LRRK1: variants seen among roughly 807,000 people sequenced by gnomAD.
LRRK1 encodes the protein leucine rich repeat kinase 1, also known as leucine-rich repeat serine/threonine-protein kinase 1.
Under a neutral mutation model 209.1 loss-of-function variants are expected in LRRK1, and 113 were observed. The observed-to-expected ratio is 0.54, with a 90% CI of 0.46 to 0.63. The LOEUF is 0.63. Among genes scored for constraint, LRRK1 ranks in the 30% least tolerant of loss-of-function variants. The pLI is 0.00. For synonymous variants in LRRK1, 1,144 were observed against 1,099.7 expected, an observed-to-expected ratio of 1.04 and a Z score of -0.80; for missense variants, 2,284 against 2,632.2, an observed-to-expected ratio of 0.87 and a Z score of 2.89.
chr15:100,942,515 A>G (rs1165298916), intron 2 of LRRK1, among the ~76,000 whole-genome samples: 1 of 152,224 alleles, frequency 6.6e-6, no homozygotes, highest in Non-Finnish European at 1.5e-5. Context: ...GCTCACAGTT[A>G]TGGAAGACAT....
intron 2 of LRRK1, among the ~76,000 whole-genome samples, chr15:100,945,016 C>T (rs1484652809): frequency 6.6e-6 from 1 of 152,196 alleles, no homozygotes; most frequent in Non-Finnish European, 1.5e-5. Context: ...TGTCATTGGC[C>T]TCCTTTTAGT....
Position 101,046,041 on chromosome 15 carries a change from C to T in LRRK1, c.3024C>T (p.His1008=). 2.5e-6 allele frequency: 4 copies of T among 1,614,200 alleles called. No individual in the cohort carries two copies. Among genetic ancestry groups the T allele is most frequent in the Non-Finnish European group, 3.4e-6 (4 of 1,180,016 alleles). The change falls in exon 21 of 34, where the codon CAC becomes CAT. Residue 1008 remains histidine, a synonymous_variant. Coordinates refer to ENST00000388948, the MANE Select transcript of LRRK1 (RefSeq NM_024652.6). ...KPGLDTHGMR[H]PTANTIQRVF... is the part of the protein sequence containing the mutation. ...GCCTGGACACCCACGGTATGCGGCA[C>T]CCCACAGCCAACACCATTCAGAGGG...
intron 2 of LRRK1, among the ~76,000 whole-genome samples, chr15:100,928,290 A>G (rs2042148626): frequency 1.3e-5 from 2 of 152,192 alleles, no homozygotes; most frequent in Non-Finnish European, 2.9e-5. Context: ...AATGCGGAAT[A>G]CTTGACTTAC....
chr15:100,996,480 C>A (rs2032418702), intron 6 of LRRK1, among the ~76,000 whole-genome samples: 1 of 152,240 alleles, frequency 6.6e-6, no homozygotes, highest in South Asian at 2.1e-4. Context: ...CTGGACTGTT[C>A]CCAGCATCCT....
chr15:101,023,141 A>G (rs2033874205), intron 15 of LRRK1, among the ~76,000 whole-genome samples: 1 of 152,120 alleles, frequency 6.6e-6, no homozygotes, highest in Non-Finnish European at 1.5e-5. Context: ...TGAGGAGGCT[A>G]AAAGCACTCT....
rs2033814795 is a variant in LRRK1 at position 101,021,921 on chromosome 15, A to G, written c.1816A>G (p.Thr606Ala). 3 of 1,613,962 alleles carry G rather than the reference A, an allele frequency of 1.9e-6. No homozygotes were observed. The highest frequency in any genetic ancestry group is 2.5e-6 in the Non-Finnish European group (3 of 1,179,952). The change falls in exon 14 of 34, where the codon ACC becomes GCC. Residue 606 changes from threonine to alanine, a missense_variant. By Grantham distance (58) the Thr-to-Ala change is moderately conservative. Coordinates refer to ENST00000388948, the MANE Select transcript of LRRK1 (RefSeq NM_024652.6). ...CTGGCAGCTGGACACTGAAGACCTGACCATCAGCAATGTGCCTGCAGAAAT... is the reference window on the plus strand; with the variant it reads ...CTGGCAGCTGGACACTGAAGACCTGGCCATCAGCAATGTGCCTGCAGAAAT... ...NLWQLDTEDL[T>A]ISNVPAEIQK...
At chr15:100,922,233 A>T (rs996957148) in intron 1 of LRRK1, among the ~76,000 whole-genome samples, 1 of 152,206 alleles carries the variant, frequency 6.6e-6, no homozygotes, top group African/African-American at 2.4e-5. Context: ...GGAAGCAAAG[A>T]TCCGTTTGAG....
chr15:101,021,315 T>C (rs2033775034), intron 13 of LRRK1, 133 bp downstream of exon 13: 2 of 962,486 alleles, frequency 2.1e-6, no homozygotes. Flanking sequence ...AGTAGTGAGA[T>C]TTTCGGAACA....
At chr15:101,062,126 C>T (rs1377154830) in intron 30 of LRRK1, among the ~76,000 whole-genome samples, 1 of 152,170 alleles carries the variant, frequency 6.6e-6, no homozygotes, top group Non-Finnish European at 1.5e-5. Context: ...AAGGGCTCTG[C>T]CTAAAGCGTG....
At chr15:101,009,837 C>T (rs1014841824) in intron 7 of LRRK1, among the ~76,000 whole-genome samples, 4 of 152,192 alleles carry the variant, frequency 2.6e-5, no homozygotes, top group African/African-American at 7.2e-5. Context: ...CCGCCTGCCT[C>T]GGCCTCCCAA....
At chr15:100,945,643 A>G (rs1166440253) in intron 2 of LRRK1, among the ~76,000 whole-genome samples, 1 of 151,582 alleles carries the variant, frequency 6.6e-6, no homozygotes, top group Non-Finnish European at 1.5e-5. Flanking sequence ...ACAGGCGCCC[A>G]CCAACACACT....
At chr15:100,969,572 T>G (rs545164934) in intron 2 of LRRK1, among the ~76,000 whole-genome samples, 1 of 152,266 alleles carries the variant, frequency 6.6e-6, no homozygotes, top group South Asian at 2.1e-4. Context: ...GCCATGGGGA[T>G]TTACTGCACA....
At chr15:100,973,508 G>C (rs2031075028) in intron 2 of LRRK1, among the ~76,000 whole-genome samples, 1 of 152,090 alleles carries the variant, frequency 6.6e-6, no homozygotes, top group African/African-American at 2.4e-5. Context: ...AGGTCGGCCC[G>C]GCCGCTCCCC....
At position 101,046,089 on chromosome 15, in the gene LRRK1, C is replaced by T. The variant is rs143276193; in HGVS notation, c.3072C>T (p.Pro1024=). Residue 1024 remains proline (P), a synonymous_variant, in exon 21 of 34, where the codon CCC becomes CCT. Transcript: ENST00000388948. ...GGGTATTTAAGATGAGCTTCGTTCC[C>T]GTTGGCTTCTGGCAAAGGTTTATAG... ...IQRVFKMSFV[P]VGFWQRFIAR... 10 of 1,614,128 alleles carry T rather than the reference C, an allele frequency of 6.2e-6. No homozygotes were observed. Among genetic ancestry groups the T allele is most frequent in the Non-Finnish European group, 8.5e-6 (10 of 1,180,054 alleles).
intron 3 of LRRK1, 62 bp downstream of exon 3, chr15:100,974,029 TC>T: frequency 8.3e-7 from 1 of 1,206,254 alleles, no homozygotes; most frequent in Non-Finnish European, 1.0e-6. Context: ...AGGGGACCGC[TC>T]AGATGATTTT....
intron 2 of LRRK1, among the ~76,000 whole-genome samples, chr15:100,935,216 T>G (rs1359286007): frequency 6.6e-6 from 1 of 152,074 alleles, no homozygotes; most frequent in Non-Finnish European, 1.5e-5. Context: ...ATGACAGAAA[T>G]CAACCAGGTT....
At chr15:100,926,811 A>G (rs1305026791) in intron 2 of LRRK1, among the ~76,000 whole-genome samples, 1 of 149,200 alleles carries the variant, frequency 6.7e-6, no homozygotes, top group Admixed American at 6.7e-5. Flanking sequence ...CAGCCTCCTG[A>G]GTAGCTGGTA....
At chr15:101,060,919 G>A (rs912372849) in intron 29 of LRRK1, among the ~76,000 whole-genome samples, 6 of 152,212 alleles carry the variant, frequency 3.9e-5, no homozygotes, top group Middle Eastern at 3.4e-3. Context: ...TTCGTACTGG[G>A]GGCAACCGTC....
In LRRK1 at chr15:100,928,322, C is replaced by T. The variant is rs146425175; in HGVS notation, c.97+3593C>T. Among the ~76,000 whole-genome samples the T allele has an allele frequency of 3.1e-3, 475 of 152,262 alleles. 3 individuals carry two copies. The highest frequency in any genetic ancestry group is 8.4e-3 in the African/African-American group (350 of 41,540). ...TTACTATGACTGCAGCTGATCCCCCCGCAGGACTCACCCTCTGCACATGTC... is the reference window on the plus strand; with the variant it reads ...TTACTATGACTGCAGCTGATCCCCCTGCAGGACTCACCCTCTGCACATGTC... On this transcript the variant is annotated intron_variant, in intron 2 of 33. Transcript: ENST00000388948.
Sources: gnomAD v4.1 joint callset for allele counts (sites outside exome capture counted in the v4.1 genomes callset) on GRCh38, gnomAD v4.1.1 for gene constraint, MANE v1.5 for transcripts, NCBI Gene and HGNC (gene_info 2026-07-23, HGNC 2026-07-21) for gene names.